The following NCKAP5 variants were observed in gnomAD, a reference collection of about 807,000 sequenced individuals.
NCKAP5 encodes the protein NCK associated protein 5.
Under a neutral mutation model 167.0 loss-of-function variants are expected in NCKAP5, and 92 were observed. The observed-to-expected ratio is 0.55, with a 90% CI of 0.47 to 0.66. The LOEUF (loss-of-function observed/expected upper bound fraction) is 0.66. Among genes scored for constraint, NCKAP5 ranks in the 30% least tolerant of loss-of-function variants. The pLI is 0.00. For missense variants in NCKAP5, 2,378 were observed against 2,315.0 expected (o/e 1.03, Z -0.56); for synonymous variants, 891 against 877.4 (o/e 1.02, Z -0.27).
At chr2:133,443,765 G>A (rs1292269420) in intron 3 of NCKAP5, among the ~76,000 whole-genome samples, 1 of 152,170 alleles carries the variant, frequency 6.6e-6, no homozygotes, top group African/African-American at 2.4e-5. Flanking sequence ...TCTACTGGAA[G>A]AGGGGAGGAA....
At chr2:132,959,009 T>C (rs1009040538) in intron 8 of NCKAP5, among the ~76,000 whole-genome samples, 1 of 148,472 alleles carries the variant, frequency 6.7e-6, no homozygotes, top group African/African-American at 2.5e-5. Flanking sequence ...GTTTGGCCCA[T>C]AGAAGATATT....
chr2:132,920,783 A>ATATATATG (rs1695349333), intron 8 of NCKAP5, among the ~76,000 whole-genome samples: 1 of 55,490 alleles, frequency 1.8e-5, no homozygotes, highest in Non-Finnish European at 3.0e-5. Flanking sequence ...ATATATATAT[A>ATATATATG]TATATATATA....
the NCKAP5 span, among the ~76,000 whole-genome samples, chr2:133,661,612 G>A: frequency 1.3e-5 from 2 of 152,122 alleles, no homozygotes; most frequent in Non-Finnish European, 2.9e-5. Context: ...ACCATAATGC[G>A]ATCCAGTGGC....
intron 7 of NCKAP5, among the ~76,000 whole-genome samples, chr2:132,993,397 C>T (rs759316204): frequency 4.6e-5 from 7 of 152,094 alleles, no homozygotes; most frequent in Non-Finnish European, 7.3e-5. Context: ...ATTAGATGTC[C>T]TGCTTCCTGG....
Position 133,384,075 on chromosome 2 carries a change from T to A in NCKAP5, c.70-80965A>T, listed in dbSNP as rs373730358. Among the ~76,000 whole-genome samples, 6 of 152,340 alleles carry A rather than the reference T, an allele frequency of 3.9e-5. No homozygotes were observed. The East Asian group carries it at 7.7e-4, about 20-fold the overall frequency. On this transcript the variant is annotated intron_variant, in intron 3 of 19. Coordinates refer to ENST00000409261, the MANE Select transcript of NCKAP5 (RefSeq NM_207363.3). ...CTTTAGTTTAATTAGATCCCATTTG[T>A]CAATTTTGACTTTTGTTGCCATTGC...
At chr2:133,471,100 G>A (rs1412762074) in intron 3 of NCKAP5, among the ~76,000 whole-genome samples, 1 of 152,108 alleles carries the variant, frequency 6.6e-6, no homozygotes, top group Non-Finnish European at 1.5e-5. Flanking sequence ...CATTCCACAA[G>A]AAACTCGGGA....
At position 133,517,535 on chromosome 2, in the gene NCKAP5, T is replaced by G; in HGVS notation, c.-9A>C. On this transcript the variant is annotated 5_prime_UTR_variant, in exon 3 of 20. Coordinates refer to ENST00000409261, the MANE Select transcript of NCKAP5 (RefSeq NM_207363.3). ...TGTCTCTTTCCCTCCATGGATGAAG[T>G]TATTTATTTTCTTTTGTGACTTATA... 6.6e-7 allele frequency: 1 copy of G among 1,509,870 alleles called. No individual in the cohort carries two copies. The highest frequency in any genetic ancestry group is 8.9e-7 in the Non-Finnish European group (1 of 1,124,286). The allele number at this position is 1,509,870 out of a possible 1,614,324, so 93.5% of individuals were successfully genotyped here. A position where few individuals can be genotyped will look rare whatever the true frequency, so the allele number is the denominator to read the frequency against.
chr2:133,419,352 AAGGCCAC>A (rs781196041), intron 3 of NCKAP5, among the ~76,000 whole-genome samples: 2 of 152,232 alleles, frequency 1.3e-5, no homozygotes, highest in Non-Finnish European at 2.9e-5. Context: ...TCCCACTGGA[AAGGCCAC>A]AGACTGATCT....
chr2:133,629,247 G>T, the NCKAP5 span, among the ~76,000 whole-genome samples: 12 of 152,168 alleles, frequency 7.9e-5, no homozygotes, highest in African/African-American at 2.9e-4. Flanking sequence ...ATCTGACAAA[G>T]GTCTAATATC....
chr2:133,053,192 G>A (rs2079668506), intron 6 of NCKAP5, among the ~76,000 whole-genome samples: 1 of 152,150 alleles, frequency 6.6e-6, no homozygotes, highest in African/African-American at 2.4e-5. Flanking sequence ...GATCCTTGAA[G>A]ATTCTTTATT....
intron 3 of NCKAP5, among the ~76,000 whole-genome samples, chr2:133,490,484 C>T (rs978408997): frequency 6.6e-6 from 1 of 152,132 alleles, no homozygotes; most frequent in Admixed American, 6.6e-5. Flanking sequence ...AAGAGTATCA[C>T]CAAGGTTATG....
chr2:132,741,959 G>A (rs576820787), intron 16 of NCKAP5, among the ~76,000 whole-genome samples: 1 of 152,038 alleles, frequency 6.6e-6, no homozygotes, highest in Non-Finnish European at 1.5e-5. Flanking sequence ...TGCTCTTTAC[G>A]CATTCTCCTT....
chr2:133,400,345 C>T (rs1559453584), intron 3 of NCKAP5, among the ~76,000 whole-genome samples: 1 of 152,048 alleles, frequency 6.6e-6, no homozygotes, highest in South Asian at 2.1e-4. Flanking sequence ...AGAATGGGAC[C>T]TTATTTGGAA....
At chr2:133,254,796 G>A (rs530249547) in intron 4 of NCKAP5, among the ~76,000 whole-genome samples, 5 of 152,202 alleles carry the variant, frequency 3.3e-5, no homozygotes, top group African/African-American at 1.2e-4. Flanking sequence ...TTCTTGTTAT[G>A]TTTTTCATAA....
intron 7 of NCKAP5, among the ~76,000 whole-genome samples, chr2:132,980,058 T>C (rs2077088077): frequency 6.6e-6 from 1 of 150,904 alleles, no homozygotes; most frequent in African/African-American, 2.5e-5. Context: ...GGGGCCATCA[T>C]GGCTCACTCC....
chr2:132,894,973 C>T (rs1351938598), intron 8 of NCKAP5, among the ~76,000 whole-genome samples: 2 of 152,252 alleles, frequency 1.3e-5, no homozygotes, highest in Admixed American at 1.3e-4. Context: ...TGAGAGGGAA[C>T]ATAAGGACTT....
At chr2:133,014,995 A>G (rs1311962277) in intron 6 of NCKAP5, among the ~76,000 whole-genome samples, 1 of 152,206 alleles carries the variant, frequency 6.6e-6, no homozygotes, top group Non-Finnish European at 1.5e-5. Context: ...GTAAATTTTG[A>G]TGCGTAGTAT....
At chr2:133,516,493 C>T (rs1835817) in intron 3 of NCKAP5, among the ~76,000 whole-genome samples, 83,909 of 152,026 alleles carry the variant, frequency 0.55, 24,087 homozygotes, top group East Asian at 0.91. Flanking sequence ...TAACACAATC[C>T]TCTTCTCAAG....
chr2:132,722,223 G>A (rs1452202973), intron 19 of NCKAP5, among the ~76,000 whole-genome samples: 1 of 152,170 alleles, frequency 6.6e-6, no homozygotes, highest in African/African-American at 2.4e-5. Context: ...CTCTCATGTG[G>A]AGTCAGTGAA....
Sources: gnomAD v4.1 joint callset for allele counts (sites outside exome capture counted in the v4.1 genomes callset) on GRCh38, gnomAD v4.1.1 for gene constraint, MANE v1.5 for transcripts, NCBI Gene and HGNC (gene_info 2026-07-23, HGNC 2026-07-21) for gene names.